ELP4: variants seen among roughly 807,000 people sequenced by gnomAD.
ELP4 encodes the protein elongator acetyltransferase complex subunit 4.
In ELP4, 51 loss-of-function variants were observed where a neutral mutation model predicts 48.9. That is an observed-to-expected ratio of 1.04 (90% CI 0.83 to 1.32). The LOEUF is 1.32. Among genes scored for constraint, ELP4 ranks in the 40% most tolerant of loss-of-function variants. The probability of loss-of-function intolerance (pLI) is 0.00; values close to 1 mark genes in which losing one functional copy is unlikely to be tolerated. For synonymous variants in ELP4, 210 were observed against 189.2 expected, an observed-to-expected ratio of 1.11 and a Z score of -0.90; for missense variants, 519 against 514.6, an observed-to-expected ratio of 1.01 and a Z score of -0.08.
intron 9 of ELP4, among the ~76,000 whole-genome samples, chr11:31,674,697 T>A (rs1945881310): frequency 6.6e-6 from 1 of 152,228 alleles, no homozygotes; most frequent in South Asian, 2.1e-4. Flanking sequence ...GATAAAAGCC[T>A]CTTCCCTACA....
At chr11:31,576,420 G>T (rs572127655) in intron 3 of ELP4, among the ~76,000 whole-genome samples, 35 of 152,166 alleles carry the variant, frequency 2.3e-4, no homozygotes, top group Non-Finnish European at 4.3e-4. Flanking sequence ...GGAATTGAAC[G>T]CAGCTCTGCA....
At position 31,668,682 on chromosome 11, in the gene ELP4, G is replaced by A. The variant is rs950091359; in HGVS notation, c.1143+18461G>A. ...TGAAATTTCCTTTGGTACCGTGTGT[G>A]TGTGTGTGTGTGTGTGTGTGTGTGT... is the stretch of plus-strand genomic sequence containing the variant. On this transcript the variant is annotated intron_variant, in intron 9 of 9. Coordinates refer to ENST00000640961, the MANE Select transcript of ELP4 (RefSeq NM_019040.5). 7.2e-4 allele frequency among the ~76,000 whole-genome samples: 95 copies of A among 132,798 alleles called. 2 individuals carry two copies. In the Middle Eastern group the frequency reaches 0.011, roughly 16 times the overall value. The allele number at this position is 132,798 out of a possible 152,430, so 87.1% of individuals were successfully genotyped here. A position where few individuals can be genotyped will look rare whatever the true frequency, so the allele number is the denominator to read the frequency against.
At chr11:31,750,910 A>C (rs1947705270) in intron 9 of ELP4, among the ~76,000 whole-genome samples, 1 of 152,218 alleles carries the variant, frequency 6.6e-6, no homozygotes, top group African/African-American at 2.4e-5. Flanking sequence ...GCAGACATGC[A>C]TTTAACTGAA....
chr11:31,568,071 G>A (rs573677514), intron 3 of ELP4, among the ~76,000 whole-genome samples: 13 of 152,254 alleles, frequency 8.5e-5, no homozygotes, highest in South Asian at 6.2e-4. Context: ...GTCAACTGCC[G>A]AAAAGCTCCT....
intron 5 of ELP4, among the ~76,000 whole-genome samples, chr11:31,617,270 A>G (rs1944510641): frequency 6.6e-6 from 1 of 152,256 alleles, no homozygotes; most frequent in Non-Finnish European, 1.5e-5. Context: ...ATACATATGT[A>G]AAAATACATA....
intron 9 of ELP4, among the ~76,000 whole-genome samples, chr11:31,764,477 G>A (rs1480012745): frequency 6.6e-6 from 1 of 152,138 alleles, no homozygotes; most frequent in Non-Finnish European, 1.5e-5. Flanking sequence ...GTCTCAGGGA[G>A]CACTCACAAT....
chr11:31,696,580 A>G (rs1338674228), intron 9 of ELP4, among the ~76,000 whole-genome samples: 1 of 152,110 alleles, frequency 6.6e-6, no homozygotes. Flanking sequence ...GGAGTGCTTT[A>G]CTTCCAACTA....
In ELP4 at chr11:31,728,905, G is replaced by A. The variant is rs149986923; in HGVS notation, c.1144-54488G>A. On this transcript the variant is annotated intron_variant, in intron 9 of 9. Coordinates refer to ENST00000640961, the MANE Select transcript of ELP4 (RefSeq NM_019040.5). ...GGGTACAGTGTGATCTCCTTGCCTCGTGATAAATTACACCATGAATCTTAG... is the reference window on the plus strand; with the variant it reads ...GGGTACAGTGTGATCTCCTTGCCTCATGATAAATTACACCATGAATCTTAG... Among the ~76,000 whole-genome samples, 374 of 152,150 alleles carry A rather than the reference G, an allele frequency of 2.5e-3. 1 individual carries two copies. Among genetic ancestry groups the A allele is most frequent in the African/African-American group, 8.1e-3 (338 of 41,492 alleles).
rs1278665622 is a variant in ELP4 at position 31,603,795 on chromosome 11, G to A, written c.541G>A (p.Gly181Ser). The A allele has an allele frequency of 5.0e-6, 8 of 1,608,232 alleles. No homozygotes were observed. In the East Asian group the frequency reaches 6.7e-5, roughly 14 times the overall value. Residue 181 changes from glycine to serine, a missense_variant, in exon 5 of 10, where the codon GGT becomes AGT. Physicochemically the swap from Gly to Ser is moderately conservative, Grantham distance 56 (BLOSUM62 0). Coordinates refer to ENST00000640961, the MANE Select transcript of ELP4 (RefSeq NM_019040.5). ...EIGPVSSSRF[G>S]HYYDASKRMP... ...TGGACCAGTATCATCTTCAAGATTTGGTCACTATTATGATGCATCAAAAAG... is the reference window on the plus strand; with the variant it reads ...TGGACCAGTATCATCTTCAAGATTTAGTCACTATTATGATGCATCAAAAAG...
intron 9 of ELP4, chr11:31,650,577 C>A (rs1945299144): frequency 5.5e-6 from 1 of 181,556 alleles, no homozygotes; most frequent in East Asian, 1.4e-4. Flanking sequence ...ATGCTACCCA[C>A]TATTGTCTGT....
At chr11:31,617,878 T>C (rs1479655149) in intron 5 of ELP4, among the ~76,000 whole-genome samples, 1 of 151,962 alleles carries the variant, frequency 6.6e-6, no homozygotes, top group African/African-American at 2.4e-5. Context: ...GATGAGAACA[T>C]AAAATAGTAG....
intron 9 of ELP4, among the ~76,000 whole-genome samples, chr11:31,718,393 G>A (rs1264635285): frequency 6.6e-6 from 1 of 152,168 alleles, no homozygotes; most frequent in Non-Finnish European, 1.5e-5. Flanking sequence ...GGGCTATTCT[G>A]GTGATTATTG....
intron 9 of ELP4, among the ~76,000 whole-genome samples, chr11:31,685,728 G>A (rs781298035): frequency 1.3e-5 from 2 of 152,092 alleles, no homozygotes; most frequent in Non-Finnish European, 1.5e-5. Context: ...TCAAGAGATC[G>A]AGATCATCTT....
At chr11:31,649,286 T>C (rs1189782131) in intron 8 of ELP4, 9 of 151,636 alleles carry the variant, frequency 5.9e-5, no homozygotes, top group Non-Finnish European at 1.2e-4. Context: ...TTCCTCCCCA[T>C]GTTTTGGATC....
chr11:31,510,469 G>C (rs1432123341), intron 1 of ELP4: 2 of 410,032 alleles, frequency 4.9e-6, no homozygotes, highest in Non-Finnish European at 8.7e-6. Context: ...CTCTTTGACC[G>C]TCAGACTGCC....
intron 9 of ELP4, among the ~76,000 whole-genome samples, chr11:31,718,660 G>A (rs892902405): frequency 3.9e-5 from 6 of 152,216 alleles, no homozygotes; most frequent in Non-Finnish European, 5.9e-5. Context: ...GAGCACCTGT[G>A]TGTAGCCTTT....
chr11:31,538,429 AATT>A (rs1956539044), intron 2 of ELP4, among the ~76,000 whole-genome samples: 1 of 148,374 alleles, frequency 6.7e-6, no homozygotes, highest in Non-Finnish European at 1.5e-5. Context: ...TAATATATAT[AATT>A]ATTATAATTT....
intron 3 of ELP4, among the ~76,000 whole-genome samples, chr11:31,591,374 C>T (rs1957568047): frequency 7.5e-6 from 1 of 133,456 alleles, no homozygotes; most frequent in Non-Finnish European, 1.5e-5. Context: ...CTACTGCACT[C>T]CAGCCTGGGT....
At chr11:31,540,473 CT>C (rs1171220079) in intron 3 of ELP4, among the ~76,000 whole-genome samples, 7 of 152,062 alleles carry the variant, frequency 4.6e-5, no homozygotes, top group African/African-American at 1.7e-4. Flanking sequence ...TTACTGCAAG[CT>C]TTAGGCAATT....
Sources: gnomAD v4.1 joint callset for allele counts (sites outside exome capture counted in the v4.1 genomes callset) on GRCh38, gnomAD v4.1.1 for gene constraint, MANE v1.5 for transcripts, NCBI Gene and HGNC (gene_info 2026-07-23, HGNC 2026-07-21) for gene names.